Variants in TRHDE observed in about 807,000 individuals in gnomAD.
The protein encoded by TRHDE is thyrotropin-releasing hormone-degrading ectoenzyme.
Under a neutral mutation model 125.7 loss-of-function variants are expected in TRHDE, and 72 were observed. The ratio of observed to expected loss-of-function variants is 0.57; its 90% confidence interval spans 0.47 to 0.70. The LOEUF is 0.70. TRHDE is among the 30% of genes least tolerant of loss of function. The probability of loss-of-function intolerance (pLI) is 0.00; values close to 1 mark genes in which losing one functional copy is unlikely to be tolerated. For synonymous variants in TRHDE, 509 were observed against 509.1 expected (o/e 1.00, Z 0.00); for missense variants, 1,110 against 1,327.1 (o/e 0.84, Z 2.54).
chr12:72,449,546 T>C (rs1592453445), intron 3 of TRHDE, among the ~76,000 whole-genome samples: 2 of 151,950 alleles, frequency 1.3e-5, no homozygotes, highest in African/African-American at 4.8e-5. Flanking sequence ...GAAAGATAGA[T>C]GGCTTAGGCA....
At chr12:72,373,624 A>T (rs1227770507) in intron 2 of TRHDE, among the ~76,000 whole-genome samples, 1 of 152,242 alleles carries the variant, frequency 6.6e-6, no homozygotes, top group Non-Finnish European at 1.5e-5. Flanking sequence ...AAAGCAAGAA[A>T]AGGAGATAGA....
chr12:72,301,242 T>G (rs1270420286), intron 2 of TRHDE, among the ~76,000 whole-genome samples: 1 of 152,164 alleles, frequency 6.6e-6, no homozygotes, highest in Admixed American at 6.5e-5. Context: ...TGTCTCTCAG[T>G]ATTCCAGACA....
At chr12:72,113,183 A>C (rs1264878073) in intron 2 of TRHDE, among the ~76,000 whole-genome samples, 1 of 151,832 alleles carries the variant, frequency 6.6e-6, no homozygotes, top group Non-Finnish European at 1.5e-5. Context: ...ATACCTGGCT[A>C]AATTTTTTTT....
chr12:72,291,476 T>C (rs1033941969), intron 2 of TRHDE, among the ~76,000 whole-genome samples: 1 of 152,242 alleles, frequency 6.6e-6, no homozygotes, highest in African/African-American at 2.4e-5. Context: ...TGAGGCATCC[T>C]TTCTTTTCCA....
chr12:72,667,422 G>A lies in TRHDE; in HGVS notation c.*4227G>A, dbSNP rs1440738161. 6.6e-6 allele frequency: 1 copy of A among 151,386 alleles called. No homozygotes were observed. The highest frequency in any genetic ancestry group is 2.4e-5 in the African/African-American group (1 of 41,298). 9.4% of individuals were successfully genotyped at this position (151,386 alleles called of 1,614,324 possible). A position where few individuals can be genotyped will look rare whatever the true frequency, so the allele number is the denominator to read the frequency against. On this transcript the variant is annotated 3_prime_UTR_variant, in exon 19 of 19. Coordinates refer to ENST00000261180, the MANE Select transcript of TRHDE (RefSeq NM_013381.3). ...TTGACAATACATAAGAATATATATTGTATAGATACAATATATAACTATACT... is the reference window on the plus strand; with the variant it reads ...TTGACAATACATAAGAATATATATTATATAGATACAATATATAACTATACT...
chr12:72,513,056 A>G (rs569825436), intron 6 of TRHDE, among the ~76,000 whole-genome samples: 42 of 152,298 alleles, frequency 2.8e-4, no homozygotes, highest in African/African-American at 9.6e-4. Context: ...TGTTAATGAA[A>G]TATAAACATC....
At chr12:72,296,725 T>A (rs1252829485) in intron 2 of TRHDE, among the ~76,000 whole-genome samples, 1 of 152,002 alleles carries the variant, frequency 6.6e-6, no homozygotes, top group African/African-American at 2.4e-5. Context: ...AGAAGTTTAT[T>A]AGAGTCGAGG....
In TRHDE at chr12:72,667,377, G is replaced by T. The variant is rs1437216738; in HGVS notation, c.*4182G>T. 6.6e-6 allele frequency: 1 copy of T among 151,520 alleles called. No individual in the cohort carries two copies. Among genetic ancestry groups the T allele is most frequent in the Non-Finnish European group, 1.5e-5 (1 of 67,776 alleles). 9.4% of individuals were successfully genotyped at this position (151,520 alleles called of 1,614,324 possible). A position where few individuals can be genotyped will look rare whatever the true frequency, so the allele number is the denominator to read the frequency against. The stretch of plus-strand genomic sequence containing the variant: ...TCAGAGATAATTTTTCATTATCAGA[G>T]ATCATAGCTGAATTATCATTTGACA... On this transcript the variant is annotated 3_prime_UTR_variant, in exon 19 of 19. Transcript: ENST00000261180.
At chr12:72,230,814 TATAAACTGCTTAA>T (rs1290034192) in intron 2 of TRHDE, among the ~76,000 whole-genome samples, 2 of 152,184 alleles carry the variant, frequency 1.3e-5, no homozygotes, top group African/African-American at 4.8e-5. Context: ...GGTTGTGCCT[TATAAACTGCTTAA>T]GCTTATAAAC....
chr12:72,542,043 C>T (rs1189048978), intron 6 of TRHDE, among the ~76,000 whole-genome samples: 3 of 151,168 alleles, frequency 2.0e-5, no homozygotes, highest in East Asian at 3.9e-4. Flanking sequence ...TTATCATTGC[C>T]CTGAGATATT....
intron 17 of TRHDE, among the ~76,000 whole-genome samples, chr12:72,656,355 TA>T (rs1336939746): frequency 2.0e-5 from 3 of 152,086 alleles, no homozygotes; most frequent in Non-Finnish European, 4.4e-5. Flanking sequence ...GAATGAAATA[TA>T]AAAATGCATT....
rs373460176 is a variant in TRHDE at position 72,286,067 on chromosome 12, T to A, written c.915-614T>A. On this transcript the variant is annotated intron_variant, in intron 1 of 18. Transcript: ENST00000261180. ...CAATACTTTTTGAGTTAGACTTGATTATTTACTTTTTCAGCAATGACCAAC... is the reference window on the plus strand; with the variant it reads ...CAATACTTTTTGAGTTAGACTTGATAATTTACTTTTTCAGCAATGACCAAC... Among the ~76,000 whole-genome samples, 9 of 152,336 alleles carry A rather than the reference T, an allele frequency of 5.9e-5. No individual in the cohort carries two copies. In the East Asian group the frequency reaches 7.7e-4, roughly 13 times the overall value.
intron 2 of TRHDE, among the ~76,000 whole-genome samples, chr12:72,248,799 T>G (rs1878626021): frequency 6.6e-6 from 1 of 152,204 alleles, no homozygotes; most frequent in Non-Finnish European, 1.5e-5. Context: ...TGCAAATTCT[T>G]ACAGTTAATG....
rs1256945209 is a variant in TRHDE at position 72,272,707 on chromosome 12, A to G, written c.64A>G (p.Arg22Gly). 1 of 1,389,816 alleles carries G rather than the reference A, an allele frequency of 7.2e-7. No homozygotes were observed. Among genetic ancestry groups the G allele is most frequent in the Non-Finnish European group, 9.4e-7 (1 of 1,061,420 alleles). 86.1% of individuals were successfully genotyped at this position (1,389,816 alleles called of 1,614,324 possible). The change falls in exon 1 of 19, where the codon AGG (arginine) becomes GGG (glycine). Residue 22 changes from arginine (R) to glycine (G), a missense_variant. Arg to Gly is a moderately radical substitution (Grantham distance 125). Coordinates refer to ENST00000261180, the MANE Select transcript of TRHDE (RefSeq NM_013381.3). The surrounding 1 kb of genome is among the most constrained non-coding windows in gnomAD (Gnocchi z 6.7). ...GAAGAAAAAGAAGAAGAAAAAGAAG[A>G]GGAAGAAGAAGAAGGAGGAGGAGGA... ...EEKKKKKKKK[R>G]KKKKEEEEEE... is the part of the protein sequence containing the mutation.
intron 2 of TRHDE, among the ~76,000 whole-genome samples, chr12:72,326,833 G>C (rs948904929): frequency 6.6e-6 from 1 of 152,122 alleles, no homozygotes; most frequent in African/African-American, 2.4e-5. Context: ...ATCAAAACTT[G>C]CTACATTGCC....
chr12:72,552,981 C>T (rs964632077), intron 7 of TRHDE, among the ~76,000 whole-genome samples: 10 of 152,068 alleles, frequency 6.6e-5, no homozygotes, highest in African/African-American at 2.4e-4. Context: ...AGACTTATCT[C>T]CAGTAAATTT....
intron 3 of TRHDE, among the ~76,000 whole-genome samples, chr12:72,462,595 A>G (rs1876176629): frequency 1.3e-5 from 2 of 152,184 alleles, no homozygotes; most frequent in Admixed American, 1.3e-4. Flanking sequence ...TATTAGCCAT[A>G]TGCTTGGTAC....
Position 72,272,852 on chromosome 12 carries a change from T to G in TRHDE, c.209T>G (p.Val70Gly). 1 of 1,581,722 alleles carries G rather than the reference T, an allele frequency of 6.3e-7. No homozygotes were observed. The highest frequency in any genetic ancestry group is 2.3e-5 in the East Asian group (1 of 44,124). The change falls in exon 1 of 19, where the codon GTG becomes GGG. Residue 70 changes from valine to glycine, a missense_variant. Around this residue, in one of 5 missense-constraint regions of TRHDE, gnomAD observed 248 missense variants for 240.8 expected, o/e 1.03. Coordinates refer to ENST00000261180, the MANE Select transcript of TRHDE (RefSeq NM_013381.3). This position sits in a 1 kb window ranked among gnomAD's most constrained non-coding sequence, Gnocchi z 6.7. ...LSDPWADSVG[V>G]RPRTTERHIA... ...GACCCGTGGGCAGACTCAGTGGGAG[T>G]GCGACCCCGCACCACGGAGCGCCAC...
chr12:72,281,895 A>G (rs1879710124), intron 1 of TRHDE, among the ~76,000 whole-genome samples: 1 of 152,200 alleles, frequency 6.6e-6, no homozygotes, highest in African/African-American at 2.4e-5. Context: ...TCAATTCTCT[A>G]TATCCTTCAG....
Sources: allele counts gnomAD v4.1 joint callset (sites outside exome capture counted in the v4.1 genomes callset), GRCh38; gene constraint gnomAD v4.1.1; regional missense constraint gnomAD v4.1.1; non-coding constraint Gnocchi (gnomAD v3.1); transcripts MANE v1.5; gene names NCBI Gene and HGNC (gene_info 2026-07-23, HGNC 2026-07-21).